The following ZRANB3 variants were observed in gnomAD, a reference collection of about 807,000 sequenced individuals.
ZRANB3 encodes the protein zinc finger RANBP2-type containing 3.
In ZRANB3, 125 loss-of-function variants were observed where a neutral mutation model predicts 133.8. The ratio of observed to expected loss-of-function variants is 0.93; its 90% CI spans 0.81 to 1.08. ZRANB3 has a LOEUF of 1.08. Ranked by LOEUF, ZRANB3 falls within the 50% of genes least tolerant of loss-of-function variation. ZRANB3 has a pLI of 0.00. For missense variants in ZRANB3, 1,229 were observed against 1,275.5 expected (o/e 0.96, Z 0.56); for synonymous variants, 387 against 432.7 (o/e 0.89, Z 1.31).
intron 8 of ZRANB3, among the ~76,000 whole-genome samples, chr2:135,284,757 C>T (rs1573828470): frequency 2.0e-5 from 3 of 152,160 alleles, no homozygotes; most frequent in South Asian, 2.1e-4. Flanking sequence ...AGGCGTGAGC[C>T]GCCGCACCCG....
chr2:135,219,122 C>A lies in ZRANB3; in HGVS notation c.2307G>T (p.Trp769Cys). The A allele has an allele frequency of 1.3e-6, 2 of 1,536,238 alleles. No individual in the cohort carries two copies. The highest frequency in any genetic ancestry group is 1.3e-5 in the South Asian group (1 of 77,456). Reference protein sequence around the residue: ...FIPLDIKLDLWEDLPASFQLK... With the variant: ...FIPLDIKLDLCEDLPASFQLK... ...GCTGAAAGCTTGCTGGTAAATCTTCCCAAAGGTCTAATTTTATATCCAGAG... is the reference window on the plus strand; with the variant it reads ...GCTGAAAGCTTGCTGGTAAATCTTCACAAAGGTCTAATTTTATATCCAGAG... The change falls in exon 16 of 21, where the codon TGG (tryptophan) becomes TGT (cysteine). Residue 769 changes from tryptophan to cysteine, a missense_variant. Transcript: ENST00000264159.
In ZRANB3 at chr2:135,349,964, A is replaced by G; in HGVS notation, c.591+20T>C. 4 of 1,605,218 alleles carry G rather than the reference A, an allele frequency of 2.5e-6. No individual in the cohort carries two copies. The highest frequency in any genetic ancestry group is 2.2e-5 in the East Asian group (1 of 44,778). ...CCCCCCTTCTCTTCTTTTAAGTTCG[A>G]AGTATAAGGATTGTAATACCTCTTC... On this transcript the variant is annotated intron_variant, in intron 5 of 20. Coordinates refer to ENST00000264159, the MANE Select transcript of ZRANB3 (RefSeq NM_032143.4).
At chr2:135,283,226 A>G (rs1681178907) in intron 8 of ZRANB3, among the ~76,000 whole-genome samples, 1 of 152,204 alleles carries the variant, frequency 6.6e-6, no homozygotes, top group Non-Finnish European at 1.5e-5. Flanking sequence ...TTGAGGCTGC[A>G]GTGAGCTGTG....
At chr2:135,313,231 T>TA in intron 8 of ZRANB3, among the ~76,000 whole-genome samples, 1 of 149,936 alleles carries the variant, frequency 6.7e-6, no homozygotes, top group Non-Finnish European at 1.5e-5. Context: ...CATGTGCCTG[T>TA]AGTCCTGGCT....
At position 135,208,955 on chromosome 2, in the gene ZRANB3, G is replaced by A. The variant is rs1693991700; in HGVS notation, c.2519C>T (p.Ala840Val). The change falls in exon 18 of 21, where the codon GCC (alanine) becomes GTC (valine). Residue 840 changes from alanine to valine, a missense_variant. Coordinates refer to ENST00000264159, the MANE Select transcript of ZRANB3 (RefSeq NM_032143.4). Reference protein sequence around the residue: ...TKRYITKEDVAVASMDKVKNV... With the variant: ...TKRYITKEDVVVASMDKVKNV... ...CTTCACTTTGTCCATTGAGGCTACG[G>A]CAACATCTTCTTTGGTTATGTATCT... 6.2e-7 allele frequency: 1 copy of A among 1,613,788 alleles called. No individual in the cohort carries two copies. Among genetic ancestry groups the A allele is most frequent in the Non-Finnish European group, 8.5e-7 (1 of 1,179,864 alleles).
At chr2:135,290,668 C>G (rs1460819411) in intron 8 of ZRANB3, among the ~76,000 whole-genome samples, 2 of 151,776 alleles carry the variant, frequency 1.3e-5, no homozygotes, top group South Asian at 4.2e-4. Context: ...TTGGGCTCCC[C>G]CCCTCCACCC....
intron 19 of ZRANB3, among the ~76,000 whole-genome samples, chr2:135,204,639 C>CAA (rs1048256026): frequency 3.7e-5 from 3 of 80,264 alleles, no homozygotes; most frequent in Admixed American, 1.4e-4. Flanking sequence ...GACCCAATCT[C>CAA]AAAAAAAAAA....
At chr2:135,250,011 A>G (rs1303920551) in intron 12 of ZRANB3, among the ~76,000 whole-genome samples, 1 of 152,192 alleles carries the variant, frequency 6.6e-6, no homozygotes, top group Non-Finnish European at 1.5e-5. Flanking sequence ...AGACAGGAAA[A>G]TGTGGGAAAG....
At chr2:135,388,847 C>T (rs770220210) in intron 3 of ZRANB3, among the ~76,000 whole-genome samples, 7 of 152,170 alleles carry the variant, frequency 4.6e-5, no homozygotes, top group South Asian at 4.2e-4. Context: ...GAGGCAGAGG[C>T]GGACGGATCA....
chr2:135,485,144 C>CAAACAAAACAAAACAAAACA (rs377465491), intron 2 of ZRANB3, among the ~76,000 whole-genome samples: 2 of 148,742 alleles, frequency 1.3e-5, no homozygotes, highest in East Asian at 4.0e-4. Context: ...CAAAACAAAA[C>CAAACAAAACAAAACAAAACA]AAACAAAACA....
chr2:135,241,149 T>C (rs896372729), intron 12 of ZRANB3, among the ~76,000 whole-genome samples: 5 of 152,178 alleles, frequency 3.3e-5, no homozygotes, highest in Admixed American at 2.0e-4. Flanking sequence ...TGATAGTTCC[T>C]TCCTCTTAAT....
chr2:135,285,631 G>A (rs1381192881), intron 8 of ZRANB3, among the ~76,000 whole-genome samples: 1 of 152,242 alleles, frequency 6.6e-6, no homozygotes, highest in Non-Finnish European at 1.5e-5. Flanking sequence ...CTTCTGGAAA[G>A]TTGTTAAGGC....
intron 6 of ZRANB3, among the ~76,000 whole-genome samples, chr2:135,326,944 T>C (rs193144800): frequency 1.5e-3 from 223 of 151,004 alleles, no homozygotes; most frequent in African/African-American, 5.1e-3. Context: ...CCTTACTCTT[T>C]AGAGACATAT....
intron 13 of ZRANB3, 71 bp from the exon 14 acceptor site, chr2:135,228,086 G>T: frequency 7.9e-7 from 1 of 1,263,826 alleles, no homozygotes; most frequent in Non-Finnish European, 1.1e-6. Context: ...GAATGTAACA[G>T]TTAGGTCTTA....
chr2:135,459,228 A>G (rs577365411), intron 2 of ZRANB3, among the ~76,000 whole-genome samples: 2 of 152,194 alleles, frequency 1.3e-5, no homozygotes, highest in African/African-American at 2.4e-5. Flanking sequence ...GACTTTGTCA[A>G]TTCTTTCTGC....
chr2:135,509,253 G>A (rs546635931), intron 1 of ZRANB3, among the ~76,000 whole-genome samples: 40 of 152,220 alleles, frequency 2.6e-4, no homozygotes, highest in African/African-American at 8.9e-4. Flanking sequence ...ATAGGAGTCC[G>A]ATTAGATACC....
intron 3 of ZRANB3, among the ~76,000 whole-genome samples, chr2:135,358,037 C>A (rs946036476): frequency 5.9e-5 from 9 of 152,132 alleles, no homozygotes; most frequent in African/African-American, 2.2e-4. Flanking sequence ...TAGAAGATGG[C>A]CCTTCTGGGG....
At position 135,370,977 on chromosome 2, in the gene ZRANB3, G is replaced by T. The variant is rs188357696; in HGVS notation, c.181-17349C>A. 1.9e-3 allele frequency among the ~76,000 whole-genome samples: 283 copies of T among 152,260 alleles called. 1 individual carries two copies. The highest frequency in any genetic ancestry group is 3.0e-3 in the Non-Finnish European group (203 of 68,024). On this transcript the variant is annotated intron_variant, in intron 3 of 20. Coordinates refer to ENST00000264159, the MANE Select transcript of ZRANB3 (RefSeq NM_032143.4). Reference sequence around the variant, plus strand: ...CTCTCTCCTGCCACCCTGTGAAGAGGTGCCTTCTGCCATAACCTTAAGCTT... The same window carrying T: ...CTCTCTCCTGCCACCCTGTGAAGAGTTGCCTTCTGCCATAACCTTAAGCTT...
intron 2 of ZRANB3, among the ~76,000 whole-genome samples, chr2:135,453,973 T>C (rs1245411040): frequency 6.6e-6 from 1 of 152,218 alleles, no homozygotes; most frequent in African/African-American, 2.4e-5. Flanking sequence ...AGAGGTTTAA[T>C]TGGACTTACG....
Sources: gnomAD v4.1 joint callset for allele counts (sites outside exome capture counted in the v4.1 genomes callset) on GRCh38, gnomAD v4.1.1 for gene constraint, MANE v1.5 for transcripts, NCBI Gene and HGNC (gene_info 2026-07-23, HGNC 2026-07-21) for gene names.